KCNIP3: variants seen among roughly 807,000 people sequenced by gnomAD.
The protein encoded by KCNIP3 is calsenilin.
In KCNIP3, 28 loss-of-function variants were observed where a neutral mutation model predicts 35.0. The ratio of observed to expected loss-of-function variants is 0.80; its 90% CI spans 0.59 to 1.10. The LOEUF is 1.10. Among genes scored for constraint, KCNIP3 ranks in the 50% least tolerant of loss-of-function variants. The pLI is 0.00. For missense variants in KCNIP3, 295 were observed against 338.4 expected (o/e 0.87, Z 1.01); for synonymous variants, 134 against 133.8 (o/e 1.00, Z -0.01).
At position 95,378,171 on chromosome 2, in the gene KCNIP3, G is replaced by A. The variant is rs1408542606; in HGVS notation, c.447+2963G>A. Among the ~76,000 whole-genome samples the A allele has an allele frequency of 2.0e-5, 3 of 152,078 alleles. No individual in the cohort carries two copies. Among genetic ancestry groups the A allele is most frequent in the Non-Finnish European group, 4.4e-5 (3 of 68,004 alleles). ...TTTTTGTTTTATTTTTAGACAGGCT[G>A]GAGTGCAGTGGCACCACCATAGCTC... On this transcript the variant is annotated intron_variant, in intron 5 of 8. Transcript: ENST00000295225. The surrounding 1 kb of genome is among the most constrained non-coding windows in gnomAD (Gnocchi z 4.0).
chr2:95,385,676 C>T lies in KCNIP3; in HGVS notation c.*1627C>T, dbSNP rs1010838789. ...CCATGGGGGCCCCTCGGCATTCACA[C>T]ACAGCCTGGCCTCCCCTGCGGAGCT... On this transcript the variant is annotated 3_prime_UTR_variant, in exon 9 of 9. Transcript: ENST00000295225. 2 of 152,834 alleles carry T rather than the reference C, an allele frequency of 1.3e-5. No homozygotes were observed. Among genetic ancestry groups the T allele is most frequent in the African/African-American group, 2.4e-5 (1 of 41,478 alleles). The allele number at this position is 152,834 out of a possible 1,614,324, so 9.5% of individuals were successfully genotyped here.
chr2:95,380,969 G>A (rs564909522), intron 5 of KCNIP3, among the ~76,000 whole-genome samples: 36 of 152,256 alleles, frequency 2.4e-4, no homozygotes, highest in African/African-American at 8.4e-4. Context: ...CCATGATGGC[G>A]ACTGGTGACA....
chr2:95,316,318 C>T (rs1678459921), intron 2 of KCNIP3, among the ~76,000 whole-genome samples: 1 of 152,250 alleles, frequency 6.6e-6, no homozygotes, highest in African/African-American at 2.4e-5. Flanking sequence ...GGGCACCGCA[C>T]CTTCCTTTAC....
At chr2:95,346,632 G>C (rs917282046) in intron 2 of KCNIP3, 1 of 144,860 alleles carries the variant, frequency 6.9e-6, no homozygotes, top group African/African-American at 2.5e-5. Flanking sequence ...GCGCCCCGGC[G>C]CCCGCGGGGC....
At chr2:95,355,051 C>G (rs1276642148) in intron 2 of KCNIP3, 3 of 152,256 alleles carry the variant, frequency 2.0e-5, no homozygotes, top group African/African-American at 7.2e-5. Context: ...CTCGTTTCAT[C>G]GACGAGGAAA....
intron 2 of KCNIP3, chr2:95,312,547 T>C (rs1678348418): frequency 6.6e-6 from 1 of 152,386 alleles, no homozygotes; most frequent in Admixed American, 6.5e-5. Flanking sequence ...GCGATGGGTT[T>C]GTTCCCCTGC....
intron 2 of KCNIP3, among the ~76,000 whole-genome samples, chr2:95,362,426 G>T (rs1480001747): frequency 6.6e-6 from 1 of 152,040 alleles, no homozygotes; most frequent in African/African-American, 2.4e-5. Flanking sequence ...TTCATATAAG[G>T]CTACCAATCT....
chr2:95,326,638 C>G (rs1678802750), intron 2 of KCNIP3, among the ~76,000 whole-genome samples: 1 of 152,228 alleles, frequency 6.6e-6, no homozygotes, highest in Non-Finnish European at 1.5e-5. Context: ...TGACTCTTTT[C>G]CTTGTTCCCC....
chr2:95,326,456 G>T (rs191035893), intron 2 of KCNIP3, among the ~76,000 whole-genome samples: 3 of 152,328 alleles, frequency 2.0e-5, no homozygotes, highest in Admixed American at 2.0e-4. Context: ...GCCAGGCTCT[G>T]GGAGGGCAGC....
At chr2:95,332,260 C>G (rs749310510) in intron 2 of KCNIP3, among the ~76,000 whole-genome samples, 1 of 152,238 alleles carries the variant, frequency 6.6e-6, no homozygotes, top group Non-Finnish European at 1.5e-5. Context: ...GGGGCAGATG[C>G]GTACCAACAG....
chr2:95,323,055 C>A (rs1469348247), intron 2 of KCNIP3, among the ~76,000 whole-genome samples: 1 of 152,234 alleles, frequency 6.6e-6, no homozygotes, highest in Admixed American at 6.5e-5. Context: ...CCCAGCCTCC[C>A]CCATTGCCTG....
chr2:95,319,736 G>A (rs758886935), intron 2 of KCNIP3, among the ~76,000 whole-genome samples: 10 of 152,182 alleles, frequency 6.6e-5, no homozygotes, highest in South Asian at 2.1e-4. Flanking sequence ...CTGGAGCTCC[G>A]GGCGCCTGTG....
chr2:95,341,989 G>A (rs1365225606), intron 2 of KCNIP3, among the ~76,000 whole-genome samples: 1 of 152,178 alleles, frequency 6.6e-6, no homozygotes, highest in East Asian at 1.9e-4. Context: ...ATCTAGGAAG[G>A]TGACTCTGCG....
chr2:95,369,623 T>G (rs77086128), intron 2 of KCNIP3, among the ~76,000 whole-genome samples: 1 of 152,200 alleles, frequency 6.6e-6, no homozygotes, highest in Non-Finnish European at 1.5e-5. Flanking sequence ...TCTTTTTTTT[T>G]CAATTTTTTC....
At chr2:95,308,755 C>T (rs1489172440) in intron 1 of KCNIP3, among the ~76,000 whole-genome samples, 3 of 152,206 alleles carry the variant, frequency 2.0e-5, no homozygotes, top group Non-Finnish European at 2.9e-5. Flanking sequence ...GTGACTGGCC[C>T]GGGCTCCCTG....
chr2:95,367,038 G>A (rs1301662239), intron 2 of KCNIP3, among the ~76,000 whole-genome samples: 1 of 151,960 alleles, frequency 6.6e-6, no homozygotes, highest in Non-Finnish European at 1.5e-5. Flanking sequence ...TGAGGTGGCC[G>A]GATCACTCAG....
intron 2 of KCNIP3, among the ~76,000 whole-genome samples, chr2:95,319,394 G>C (rs1231256137): frequency 6.6e-6 from 1 of 152,232 alleles, no homozygotes; most frequent in Non-Finnish European, 1.5e-5. Flanking sequence ...AGGCTCCCAA[G>C]CCTTCCCTTC....
chr2:95,344,649 A>G (rs1679302644), intron 2 of KCNIP3, among the ~76,000 whole-genome samples: 1 of 152,196 alleles, frequency 6.6e-6, no homozygotes, highest in South Asian at 2.1e-4. Flanking sequence ...CAGGACCCCC[A>G]AGATGGCCTC....
rs1680466959 is a variant in KCNIP3, at chr2:95,385,147, G to C, written c.*1098G>C. 6.5e-6 allele frequency: 1 copy of C among 152,728 alleles called. No homozygotes were observed. The highest frequency in any genetic ancestry group is 1.5e-5 in the Non-Finnish European group (1 of 68,174). 9.5% of individuals were successfully genotyped at this position (152,728 alleles called of 1,614,324 possible). A position where few individuals can be genotyped will look rare whatever the true frequency, so the allele number is the denominator to read the frequency against. On this transcript the variant is annotated 3_prime_UTR_variant, in exon 9 of 9. Coordinates refer to ENST00000295225, the MANE Select transcript of KCNIP3 (RefSeq NM_013434.5). ...CCTTAGCAGCTCAGGCGCAGCCCTA[G>C]TGGGAGCCCAGCACACTGCTTCTCG...
Sources: allele counts gnomAD v4.1 joint callset (sites outside exome capture counted in the v4.1 genomes callset), GRCh38; gene constraint gnomAD v4.1.1; non-coding constraint Gnocchi (gnomAD v3.1); transcripts MANE v1.5; gene names NCBI Gene and HGNC (gene_info 2026-07-23, HGNC 2026-07-21).